PIWIL3: variants seen among roughly 807,000 people sequenced by gnomAD.
PIWIL3 encodes the protein piwi like RNA-mediated gene silencing 3, also known as piwi-like protein 3.
PIWIL3 carries 101 observed loss-of-function variants against 109.7 expected under a neutral mutation model. The observed-to-expected ratio is 0.92, with a 90% CI of 0.78 to 1.09. The LOEUF (loss-of-function observed/expected upper bound fraction) is 1.09, where lower values mean the gene tolerates loss of function less well. PIWIL3 is among the 50% of genes least tolerant of loss of function. The probability of loss-of-function intolerance (pLI) is 0.00; values close to 1 mark genes in which losing one functional copy is unlikely to be tolerated. For synonymous variants in PIWIL3, 373 were observed against 376.4 expected, an observed-to-expected ratio of 0.99 and a Z score of 0.10; for missense variants, 1,031 against 1,072.6, an observed-to-expected ratio of 0.96 and a Z score of 0.54.
Position 24,762,427 on chromosome 22 carries a change from C to A in PIWIL3, c.73G>T (p.Gly25Trp), listed in dbSNP as rs1470621779. Residue 25 changes from glycine (G) to tryptophan (W), a missense_variant, in exon 2 of 21, where the codon GGG becomes TGG. Transcript: ENST00000616349. The part of the protein sequence containing the change: ...RRESYQQEAP[G>W]GPRAPGSATT... The stretch of plus-strand genomic sequence containing the variant: ...GCTGATCCAGGTGCTCTGGGTCCCC[C>A]AGGTGCCTCTTGTTGGTAGCTCTCC... 6.2e-7 allele frequency: 1 copy of A among 1,614,012 alleles called. No individual in the cohort carries two copies. The highest frequency in any genetic ancestry group is 1.1e-5 in the South Asian group (1 of 91,032).
At chr22:24,752,387 T>C (rs983917224) in intron 8 of PIWIL3, among the ~76,000 whole-genome samples, 1 of 152,156 alleles carries the variant, frequency 6.6e-6, no homozygotes, top group Non-Finnish European at 1.5e-5. Flanking sequence ...GCCCACCAGA[T>C]GGAGATCACA....
chr22:24,742,597 A>G (rs985752463), intron 12 of PIWIL3, among the ~76,000 whole-genome samples: 1 of 152,234 alleles, frequency 6.6e-6, no homozygotes, highest in Non-Finnish European at 1.5e-5. Flanking sequence ...AAATAAAGCC[A>G]AATACTTGTA....
chr22:24,757,697 C>T (rs1245366056), intron 4 of PIWIL3, among the ~76,000 whole-genome samples: 2 of 61,336 alleles, frequency 3.3e-5, no homozygotes, highest in African/African-American at 6.4e-5. Flanking sequence ...CACACACACA[C>T]ACATTCGGGC....
chr22:24,744,203 A>AAAAAAAAAAC (rs1924209709), intron 12 of PIWIL3, among the ~76,000 whole-genome samples: 1 of 149,258 alleles, frequency 6.7e-6, no homozygotes, highest in African/African-American at 2.4e-5. Context: ...AAAAAAAAAA[A>AAAAAAAAAAC]AAAACAATGA....
intron 16 of PIWIL3, 34 bp downstream of exon 16, chr22:24,727,916 T>C (rs776596245): frequency 3.9e-6 from 6 of 1,528,516 alleles, no homozygotes; most frequent in Non-Finnish European, 5.4e-6. Context: ...CACAGTCAGC[T>C]ACTAACTAAA....
chr22:24,760,945 C>G (rs1880494254), intron 2 of PIWIL3, among the ~76,000 whole-genome samples: 1 of 152,002 alleles, frequency 6.6e-6, no homozygotes, highest in African/African-American at 2.4e-5. Context: ...GAGAAATTGT[C>G]TGATACTGGA....
chr22:24,761,665 A>T (rs1601850426), intron 2 of PIWIL3, among the ~76,000 whole-genome samples: 1 of 152,140 alleles, frequency 6.6e-6, no homozygotes, highest in East Asian at 1.9e-4. Flanking sequence ...ATGGTGCCCT[A>T]GGATCTCCAG....
intron 1 of PIWIL3, among the ~76,000 whole-genome samples, chr22:24,773,578 T>C (rs1274303343): frequency 6.6e-6 from 1 of 152,176 alleles, no homozygotes; most frequent in Non-Finnish European, 1.5e-5. Context: ...TGATAGAAAT[T>C]CCGCGGTTTT....
chr22:24,746,568 T>C (rs73391119), intron 12 of PIWIL3, among the ~76,000 whole-genome samples: 43 of 147,098 alleles, frequency 2.9e-4, no homozygotes, highest in African/African-American at 9.9e-4. Flanking sequence ...AGAGTCATCA[T>C]ACAAAAGATT....
chr22:24,735,709 T>C lies in PIWIL3; in HGVS notation c.1633A>G (p.Met545Val). 6.9e-6 allele frequency: 11 copies of C among 1,585,984 alleles called. No individual in the cohort carries two copies. The highest frequency in any genetic ancestry group is 9.4e-6 in the Non-Finnish European group (11 of 1,171,326). ...AATGGGAATTTCTGCTCTACTTACA[T>C]TTCTGCTGGTTTCATAGTTATGCCC... ...PMGITMKPAE[M>V]IEVDGDANSY... is the part of the protein sequence containing the mutation. The change falls in exon 13 of 21, where the codon ATG becomes GTG. Residue 545 changes from methionine to valine, a missense_variant and splice_region_variant. Coordinates refer to ENST00000616349, the MANE Select transcript of PIWIL3 (RefSeq NM_001255975.1).
chr22:24,754,980 A>T, intron 6 of PIWIL3, 116 bp from the exon 7 acceptor site: 1 of 775,564 alleles, frequency 1.3e-6, no homozygotes, highest in Non-Finnish European at 2.2e-6. Flanking sequence ...CAATGAACAC[A>T]AAGTACTTGT....
In PIWIL3 at chr22:24,744,184, A is replaced by G. The variant is rs1373111788; in HGVS notation, c.1449+4723T>C. Among the ~76,000 whole-genome samples, 25 of 144,350 alleles carry G rather than the reference A, an allele frequency of 1.7e-4. 3 individuals are homozygous for G. The highest frequency in any genetic ancestry group is 1.2e-3 in the East Asian group (6 of 5,036). The allele number at this position is 144,350 out of a possible 152,430, so 94.7% of individuals were successfully genotyped here. A position where few individuals can be genotyped will look rare whatever the true frequency, so the allele number is the denominator to read the frequency against. ...ATTGAAAGAGTGACCGAATTAAAAA[A>G]AAAAAAAAAAAAAAAAAAAAAAACA... is the stretch of plus-strand genomic sequence containing the variant. On this transcript the variant is annotated intron_variant, in intron 12 of 20. Transcript: ENST00000616349.
intron 1 of PIWIL3, among the ~76,000 whole-genome samples, chr22:24,773,352 A>G (rs1926232329): frequency 6.6e-6 from 1 of 152,176 alleles, no homozygotes; most frequent in African/African-American, 2.4e-5. Flanking sequence ...TTCAGAAGAT[A>G]CCAACTTTCT....
intron 14 of PIWIL3, among the ~76,000 whole-genome samples, chr22:24,731,888 C>T (rs774717744): frequency 1.4e-4 from 22 of 152,108 alleles, no homozygotes; most frequent in Middle Eastern, 3.2e-3. Flanking sequence ...CAGTTTGCTC[C>T]GGGAACACTT....
Position 24,756,528 on chromosome 22 carries a change from C to T in PIWIL3, c.533G>A (p.Gly178Glu). 3.1e-6 allele frequency: 5 copies of T among 1,614,066 alleles called. No homozygotes were observed. Among genetic ancestry groups the T allele is most frequent in the Non-Finnish European group, 3.4e-6 (4 of 1,179,968 alleles). ...TGGCCGAGATAATAATAAAGAGTTT[C>T]CATCAAATATATGGCGCTCTCCAAA... ...RKFGERHIFD[G>E]NSLLLSRPLK... is the part of the protein sequence containing the mutation. Residue 178 changes from glycine to glutamate, a missense_variant, in exon 5 of 21, where the codon GGA becomes GAA. By Grantham distance (98) the Gly-to-Glu change is moderately conservative. Coordinates refer to ENST00000616349, the MANE Select transcript of PIWIL3 (RefSeq NM_001255975.1).
intron 12 of PIWIL3, among the ~76,000 whole-genome samples, chr22:24,740,226 A>AAAAAAAAAAAAG (rs1923915244): frequency 3.3e-5 from 5 of 150,256 alleles, no homozygotes; most frequent in Admixed American, 3.3e-4. Flanking sequence ...CTCAAAAAAA[A>AAAAAAAAAAAAG]AAAAAAAATT....
At position 24,734,122 on chromosome 22, in the gene PIWIL3, C is replaced by T. The variant is rs1162693363; in HGVS notation, c.1669G>A (p.Asp557Asn). 6.2e-7 allele frequency: 1 copy of T among 1,612,636 alleles called. No homozygotes were observed. Among genetic ancestry groups the T allele is most frequent in the African/African-American group, 1.3e-5 (1 of 74,840 alleles). Residue 557 changes from aspartate (D) to asparagine (N), a missense_variant, in exon 14 of 21, where the codon GAC becomes AAC. Physicochemically the swap from Asp to Asn is conservative, Grantham distance 23. Transcript: ENST00000616349. ...GGTCTAGTATATTTCCGTAATGTGT[C>T]TATATAGGAGTTAGCATCACCATCT... ...EVDGDANSYI[D>N]TLRKYTRPTL...
chr22:24,754,068 C>T lies in PIWIL3; in HGVS notation c.923G>A (p.Gly308Glu), dbSNP rs1203412054. The T allele has an allele frequency of 1.9e-6, 3 of 1,612,832 alleles. No individual in the cohort carries two copies. Among genetic ancestry groups the T allele is most frequent in the Non-Finnish European group, 2.5e-6 (3 of 1,178,836 alleles). ...ATTAGTTACTTCCTCTCGGATGTTT[C>T]CTGTCTGGGCCTGGGCAGATGTTCT... is the stretch of plus-strand genomic sequence containing the variant. ...IKRTSAQAQT[G>E]NIREEVTNKL... The change falls in exon 8 of 21, where the codon GGA (glycine) becomes GAA (glutamate). Residue 308 changes from glycine to glutamate, a missense_variant. Physicochemically the swap from Gly to Glu is moderately conservative, Grantham distance 98. Transcript: ENST00000616349.
At chr22:24,728,716 C>T (rs1198484327) in intron 14 of PIWIL3, among the ~76,000 whole-genome samples, 1 of 152,082 alleles carries the variant, frequency 6.6e-6, no homozygotes, top group Non-Finnish European at 1.5e-5. Flanking sequence ...TTATAGTTAA[C>T]ATTGTTATAA....
Sources: allele counts gnomAD v4.1 joint callset (sites outside exome capture counted in the v4.1 genomes callset), GRCh38; gene constraint gnomAD v4.1.1; transcripts MANE v1.5; gene names NCBI Gene and HGNC (gene_info 2026-07-23, HGNC 2026-07-21).